The following RAB40C variants were observed in gnomAD, a reference collection of about 807,000 sequenced individuals.
The protein encoded by RAB40C is RAB40C, member RAS oncogene family.
Under a neutral mutation model 28.1 loss-of-function variants are expected in RAB40C, and 8 were observed. The ratio of observed to expected loss-of-function variants is 0.28; its 90% confidence interval spans 0.17 to 0.51. The LOEUF (loss-of-function observed/expected upper bound fraction) is 0.51, where lower values mean the gene tolerates loss of function less well. Ranked by LOEUF, RAB40C falls within the 20% of genes least tolerant of loss-of-function variation. RAB40C has a pLI of 0.97. For synonymous variants in RAB40C, 201 were observed against 171.7 expected (o/e 1.17, Z -1.34); for missense variants, 288 against 405.9 (o/e 0.71, Z 2.50).
At chr16:616,210 C>T (rs1237355474) in intron 1 of RAB40C, among the ~76,000 whole-genome samples, 4 of 148,530 alleles carry the variant, frequency 2.7e-5, no homozygotes, top group Admixed American at 6.7e-5. Flanking sequence ...GAGCAGAGAT[C>T]GCACCACTGC....
chr16:605,610 G>A (rs921090413), intron 1 of RAB40C, among the ~76,000 whole-genome samples: 4 of 152,120 alleles, frequency 2.6e-5, no homozygotes, highest in South Asian at 2.1e-4. Flanking sequence ...GGTGAGCTTC[G>A]GCCACGTGGT....
intron 1 of RAB40C, among the ~76,000 whole-genome samples, chr16:594,902 C>T (rs1226906673): frequency 2.6e-5 from 4 of 151,716 alleles, no homozygotes; most frequent in Non-Finnish European, 4.4e-5. Flanking sequence ...TCACTGCAAC[C>T]TCTGCCTTCT....
chr16:601,814 G>GAAAAAAAA (rs2036254885), intron 1 of RAB40C, among the ~76,000 whole-genome samples: 2 of 8,438 alleles, frequency 2.4e-4, no homozygotes, highest in Non-Finnish European at 4.8e-4. Flanking sequence ...GCAAAAAAAA[G>GAAAAAAAA]TAAAAAAAAA....
intron 1 of RAB40C, among the ~76,000 whole-genome samples, chr16:595,125 A>C (rs1299810071): frequency 1.3e-5 from 2 of 152,014 alleles, no homozygotes; most frequent in African/African-American, 4.8e-5. Context: ...TTCCTCTGTG[A>C]GGTGCCGGGT....
Position 627,587 on chromosome 16 carries a change from C to A in RAB40C, c.811C>A (p.Gln271Lys), listed in dbSNP as rs150789883. The A allele has an allele frequency of 4.0e-5, 64 of 1,603,386 alleles. No individual in the cohort carries two copies. Among genetic ancestry groups the A allele is most frequent in the African/African-American group, 1.2e-4 (9 of 74,804 alleles). ...KSIRPPQSPPQNCSRSNCKIS is the reference protein window; with the variant it reads ...KSIRPPQSPPKNCSRSNCKIS ...CATCCGTCCACCCCAGAGCCCCCCC[C>A]AGAACTGCTCGCGGAGTAACTGCAA... Residue 271 changes from glutamine (Q) to lysine (K), a missense_variant, in exon 6 of 6, where the codon CAG becomes AAG. Physicochemically the swap from Gln to Lys is moderately conservative, Grantham distance 53. Coordinates refer to ENST00000248139, the MANE Select transcript of RAB40C (RefSeq NM_021168.5).
At chr16:627,232 C>A in intron 5 of RAB40C, 110 bp from the exon 6 acceptor site, 1 of 1,116,914 alleles carries the variant, frequency 9.0e-7, no homozygotes, top group Non-Finnish European at 1.3e-6. Context: ...CCTGGGAACA[C>A]CTCTAGGAGT....
At chr16:591,731 A>G (rs536219370) in intron 1 of RAB40C, among the ~76,000 whole-genome samples, 1 of 151,928 alleles carries the variant, frequency 6.6e-6, no homozygotes, top group South Asian at 2.1e-4. Flanking sequence ...AGCTGGGACT[A>G]CAGGTGTATG....
chr16:606,715 C>G (rs2036367638), intron 1 of RAB40C, among the ~76,000 whole-genome samples: 1 of 152,240 alleles, frequency 6.6e-6, no homozygotes, highest in South Asian at 2.1e-4. Flanking sequence ...CTGCGTTGTT[C>G]ACGGAGGGCC....
chr16:602,288 C>T (rs537599956), intron 1 of RAB40C, among the ~76,000 whole-genome samples: 2 of 147,838 alleles, frequency 1.4e-5, no homozygotes, highest in South Asian at 4.3e-4. Flanking sequence ...ATTAGAGAGA[C>T]AGTTTCACTC....
At chr16:593,178 T>C (rs2036038941) in intron 1 of RAB40C, among the ~76,000 whole-genome samples, 1 of 152,220 alleles carries the variant, frequency 6.6e-6, no homozygotes, top group Non-Finnish European at 1.5e-5. Flanking sequence ...CAGGTCTTTG[T>C]GGTCAGGTGG....
chr16:590,821 G>C (rs570890071), intron 1 of RAB40C, among the ~76,000 whole-genome samples: 1 of 151,818 alleles, frequency 6.6e-6, no homozygotes, highest in Admixed American at 6.5e-5. Context: ...GGATCATCTG[G>C]GGTCCGAGGG....
chr16:616,085 A>G (rs1222823311), intron 1 of RAB40C, among the ~76,000 whole-genome samples: 2 of 151,776 alleles, frequency 1.3e-5, no homozygotes, highest in African/African-American at 2.4e-5. Context: ...GTGAAACCCC[A>G]CCTCTACTAA....
chr16:613,348 G>T (rs1453014113), intron 1 of RAB40C, among the ~76,000 whole-genome samples: 1 of 151,588 alleles, frequency 6.6e-6, no homozygotes, highest in Non-Finnish European at 1.5e-5. Flanking sequence ...AAGAGCAGGG[G>T]ACAGCTGCCC....
chr16:623,279 A>G (rs919676709), intron 3 of RAB40C, among the ~76,000 whole-genome samples: 2 of 152,212 alleles, frequency 1.3e-5, no homozygotes, highest in African/African-American at 4.8e-5. Context: ...ACCCCTCTCC[A>G]GCCTTTTAGC....
chr16:589,388 G>A (rs1054823207), upstream of RAB40C: 2 of 152,290 alleles, frequency 1.3e-5, no homozygotes, highest in African/African-American at 2.4e-5. Flanking sequence ...TCCCTCCGAG[G>A]GTTCTGCGGA....
At chr16:607,496 T>C (rs1596405229) in intron 1 of RAB40C, among the ~76,000 whole-genome samples, 1 of 126,308 alleles carries the variant, frequency 7.9e-6, no homozygotes, top group Non-Finnish European at 1.6e-5. Flanking sequence ...AGAGTGAAAC[T>C]GTCTCAAAAA....
chr16:613,620 G>A (rs183195671), intron 1 of RAB40C, among the ~76,000 whole-genome samples: 188 of 152,358 alleles, frequency 1.2e-3, no homozygotes, highest in African/African-American at 4.2e-3. Context: ...CTTCTTGGTC[G>A]TCGGTTTTTC....
upstream of RAB40C, chr16:589,537 T>C (rs919024564): frequency 6.6e-6 from 1 of 152,238 alleles, no homozygotes; most frequent in African/African-American, 2.4e-5. Context: ...GAGCCCCTGA[T>C]TGGCGAGCGT....
intron 3 of RAB40C, among the ~76,000 whole-genome samples, chr16:623,526 C>T (rs981767638): frequency 2.0e-5 from 3 of 151,590 alleles, no homozygotes; most frequent in Non-Finnish European, 2.9e-5. Flanking sequence ...TGGTGGCGGG[C>T]GCCTGTAGTC....
Sources: gnomAD v4.1 joint callset for allele counts (sites outside exome capture counted in the v4.1 genomes callset) on GRCh38, gnomAD v4.1.1 for gene constraint, MANE v1.5 for transcripts, NCBI Gene and HGNC (gene_info 2026-07-23, HGNC 2026-07-21) for gene names.